NRG3: variants seen among roughly 807,000 people sequenced by gnomAD.
The protein encoded by NRG3 is neuregulin 3.
In NRG3, 31 loss-of-function variants were observed where a neutral mutation model predicts 66.9. The ratio of observed to expected loss-of-function variants is 0.46; its 90% CI spans 0.35 to 0.63. The LOEUF (loss-of-function observed/expected upper bound fraction) is 0.63. Among genes scored for constraint, NRG3 ranks in the 20% least tolerant of loss-of-function variants. The probability of loss-of-function intolerance (pLI) is 0.00; values close to 1 mark genes in which losing one functional copy is unlikely to be tolerated. For missense variants in NRG3, 910 were observed against 878.9 expected (o/e 1.04, Z -0.45); for synonymous variants, 393 against 359.4 (o/e 1.09, Z -1.06).
chr10:82,071,713 A>C (rs760708456), intron 1 of NRG3, among the ~76,000 whole-genome samples: 1 of 152,112 alleles, frequency 6.6e-6, no homozygotes, highest in Non-Finnish European at 1.5e-5. Context: ...TTTTACTTAC[A>C]TTTCAACATC....
chr10:82,352,509 A>C (rs1423374088), intron 1 of NRG3, among the ~76,000 whole-genome samples: 1 of 152,194 alleles, frequency 6.6e-6, no homozygotes, highest in Non-Finnish European at 1.5e-5. Context: ...AATGGTGAAA[A>C]GGCCCCAGAG....
At chr10:82,124,092 T>G (rs935516157) in intron 1 of NRG3, among the ~76,000 whole-genome samples, 1 of 152,108 alleles carries the variant, frequency 6.6e-6, no homozygotes, top group Non-Finnish European at 1.5e-5. Flanking sequence ...TGATCTGCTT[T>G]AGATGATAGG....
At chr10:82,341,933 C>A (rs916223340) in intron 1 of NRG3, among the ~76,000 whole-genome samples, 2 of 151,908 alleles carry the variant, frequency 1.3e-5, no homozygotes, top group African/African-American at 4.8e-5. Flanking sequence ...TTCTATTGAT[C>A]TGTATCTATT....
rs2060845120 is a variant in NRG3 at position 82,797,406 on chromosome 10, G to T, written c.1027+58756G>T. Among the ~76,000 whole-genome samples the T allele has an allele frequency of 1.3e-5, 2 of 152,104 alleles. 1 individual carries two copies. Among genetic ancestry groups the T allele is most frequent in the South Asian group, 4.1e-4 (2 of 4,832 alleles). On this transcript the variant is annotated intron_variant, in intron 3 of 8. Transcript: ENST00000372141. ...ACCTGCTCCATACTTGACTATCCAG[G>T]TGCCTTTGGGATGTCTCACTGGCAT...
intron 2 of NRG3, among the ~76,000 whole-genome samples, chr10:82,536,346 T>G (rs992581750): frequency 2.6e-5 from 4 of 152,206 alleles, no homozygotes; most frequent in Non-Finnish European, 4.4e-5. Context: ...CATTTTCCAT[T>G]AGACATGAAT....
chr10:82,187,668 T>C (rs1589252295), intron 1 of NRG3, among the ~76,000 whole-genome samples: 1 of 152,134 alleles, frequency 6.6e-6, no homozygotes, highest in Non-Finnish European at 1.5e-5. Flanking sequence ...TCTTACATAT[T>C]TGACAGTGTC....
At chr10:82,044,095 C>T (rs573229309) in intron 1 of NRG3, among the ~76,000 whole-genome samples, 6 of 152,118 alleles carry the variant, frequency 3.9e-5, no homozygotes, top group African/African-American at 1.4e-4. Flanking sequence ...TTGTCAGGGA[C>T]GCTTCCTACC....
chr10:82,157,620 A>G lies in NRG3; in HGVS notation c.824-201119A>G, dbSNP rs1003854176. Among the ~76,000 whole-genome samples the G allele has an allele frequency of 3.3e-5, 5 of 151,620 alleles. No homozygotes were observed. In the East Asian group the frequency reaches 9.7e-4, roughly 29 times the overall value. ...AGTGTCAATTCAGGGAGGTCAGGAAAGTCTGTAAGGGAGAAATGGAATATT... is the reference window on the plus strand; with the variant it reads ...AGTGTCAATTCAGGGAGGTCAGGAAGGTCTGTAAGGGAGAAATGGAATATT... On this transcript the variant is annotated intron_variant, in intron 1 of 8. Coordinates refer to ENST00000372141, the MANE Select transcript of NRG3 (RefSeq NM_001010848.4).
At chr10:82,811,302 C>A (rs2061484604) in intron 3 of NRG3, among the ~76,000 whole-genome samples, 1 of 152,204 alleles carries the variant, frequency 6.6e-6, no homozygotes, top group African/African-American at 2.4e-5. Flanking sequence ...TGCCATATCA[C>A]CAGAGCCTAC....
chr10:82,717,969 G>T (rs1249189254), intron 2 of NRG3, among the ~76,000 whole-genome samples: 2 of 151,898 alleles, frequency 1.3e-5, no homozygotes, highest in African/African-American at 4.8e-5. Flanking sequence ...TCAGCTGTGG[G>T]ATAATAACCA....
intron 2 of NRG3, among the ~76,000 whole-genome samples, chr10:82,620,152 A>G (rs893992340): frequency 7.2e-5 from 11 of 152,094 alleles, no homozygotes; most frequent in Non-Finnish European, 1.2e-4. Flanking sequence ...GCATATTACA[A>G]TGCTCTCTTA....
intron 1 of NRG3, among the ~76,000 whole-genome samples, chr10:81,927,973 C>A (rs1429370306): frequency 6.6e-6 from 1 of 152,106 alleles, no homozygotes; most frequent in Non-Finnish European, 1.5e-5. Flanking sequence ...ATCTAAGTGA[C>A]TTTTATTATA....
At chr10:82,694,456 T>C (rs2134230944) in intron 2 of NRG3, among the ~76,000 whole-genome samples, 1 of 152,276 alleles carries the variant, frequency 6.6e-6, no homozygotes, top group Admixed American at 6.5e-5. Context: ...GTGTATTTCT[T>C]AAGAATACTC....
chr10:82,165,105 T>C (rs1449741479), intron 1 of NRG3, among the ~76,000 whole-genome samples: 3 of 152,164 alleles, frequency 2.0e-5, no homozygotes, highest in Admixed American at 6.6e-5. Context: ...CATTCCATTG[T>C]ATGGATGCTA....
At chr10:82,911,214 G>T (rs72830086) in intron 4 of NRG3, among the ~76,000 whole-genome samples, 21,823 of 151,930 alleles carry the variant, frequency 0.14, 2,379 homozygotes, top group East Asian at 0.51. Context: ...CTAAAGAATG[G>T]GATATGGTTA....
At chr10:82,970,865 C>G (rs1851660239) in intron 6 of NRG3, among the ~76,000 whole-genome samples, 1 of 152,106 alleles carries the variant, frequency 6.6e-6, no homozygotes, top group African/African-American at 2.4e-5. Flanking sequence ...CCAAAGAGTT[C>G]ATTCATATCT....
intron 3 of NRG3, among the ~76,000 whole-genome samples, chr10:82,834,613 G>T (rs1002911096): frequency 2.0e-5 from 3 of 152,168 alleles, no homozygotes; most frequent in African/African-American, 7.2e-5. Context: ...TAATCTTTCT[G>T]TCCTGGATGG....
intron 1 of NRG3, among the ~76,000 whole-genome samples, chr10:82,166,074 G>A (rs886671110): frequency 6.6e-6 from 1 of 151,904 alleles, no homozygotes; most frequent in Non-Finnish European, 1.5e-5. Flanking sequence ...CCAGACTGGA[G>A]TGCAACAGCG....
chr10:82,981,621 A>G (rs993586090), intron 8 of NRG3, among the ~76,000 whole-genome samples: 1 of 152,128 alleles, frequency 6.6e-6, no homozygotes, highest in East Asian at 1.9e-4. Flanking sequence ...TAGGCTTCCA[A>G]CGTATGTGGC....
Sources: allele counts gnomAD v4.1 joint callset (sites outside exome capture counted in the v4.1 genomes callset), GRCh38; gene constraint gnomAD v4.1.1; transcripts MANE v1.5; gene names NCBI Gene and HGNC (gene_info 2026-07-23, HGNC 2026-07-21).